OARD1: variants seen among roughly 807,000 people sequenced by gnomAD.
OARD1 encodes ADP-ribose glycohydrolase OARD1.
In OARD1, 19 loss-of-function variants were observed where a neutral mutation model predicts 19.7. The ratio of observed to expected loss-of-function variants is 0.96; its 90% CI spans 0.67 to 1.41. OARD1 has a LOEUF of 1.41. OARD1 is among the 40% of genes most tolerant of loss of function. The probability of loss-of-function intolerance (pLI) is 0.00; values close to 1 mark genes in which losing one functional copy is unlikely to be tolerated. For synonymous variants in OARD1, 70 were observed against 61.8 expected (o/e 1.13, Z -0.62); for missense variants, 190 against 183.8 (o/e 1.03, Z -0.20).
rs777911574 is a variant in OARD1, at chr6:41,071,200, C to G, written c.116G>C (p.Arg39Pro). ...SLAHCISEDC[R>P]MGAGIAVLFK... ...GAGGACAGCTATCCCAGCGCCCATG[C>G]GACAATCCTCACTGATACAGTGGGC... is the stretch of plus-strand genomic sequence containing the variant. Residue 39 changes from arginine to proline, a missense_variant, in exon 3 of 6, where the codon CGC becomes CCC. Arg to Pro is a moderately radical substitution (Grantham distance 103, BLOSUM62 -2). Transcript: ENST00000424266. The G allele has an allele frequency of 2.5e-6, 4 of 1,614,108 alleles. No individual in the cohort carries two copies. The South Asian group carries it at 3.3e-5, about 13-fold the overall frequency.
chr6:41,071,733 G>C (rs962385596), intron 1 of OARD1, 58 bp from the exon 2 acceptor site: 1 of 978,972 alleles, frequency 1.0e-6, no homozygotes, highest in Non-Finnish European at 1.6e-6. Context: ...ATAATATTCT[G>C]ATTGCCCTGT....
intron 5 of OARD1, 54 bp downstream of exon 5, chr6:41,068,787 T>G (rs914491781): frequency 1.0e-6 from 1 of 1,003,326 alleles, no homozygotes; most frequent in Non-Finnish European, 1.5e-6. Flanking sequence ...TTGGGTAAGA[T>G]AGTAAACCCC....
At chr6:41,096,879 C>G (rs1166253005) in intron 1 of OARD1, among the ~76,000 whole-genome samples, 1 of 152,210 alleles carries the variant, frequency 6.6e-6, no homozygotes, top group Non-Finnish European at 1.5e-5. Context: ...TCACTTTACC[C>G]ATCTGGCCTT....
At chr6:41,089,531 G>T in intron 1 of OARD1, 1 of 1,505,292 alleles carries the variant, frequency 6.6e-7, no homozygotes, top group South Asian at 1.3e-5. Context: ...GACCAAAGGA[G>T]ACCAGTGTCA....
rs1581994055 is a variant in OARD1, at chr6:41,066,217, C to T, written c.*1118G>A. 1 of 152,232 alleles carries T rather than the reference C, an allele frequency of 6.6e-6. No individual in the cohort carries two copies. Among genetic ancestry groups the T allele is most frequent in the Non-Finnish European group, 1.5e-5 (1 of 68,072 alleles). The allele number at this position is 152,232 out of a possible 1,614,324, so 9.4% of individuals were successfully genotyped here. On this transcript the variant is annotated 3_prime_UTR_variant, in exon 6 of 6. Coordinates refer to ENST00000424266, the MANE Select transcript of OARD1 (RefSeq NM_001329686.2). ...TCACAGCTCAATGCAACTTCAACCTCCCAGGCTCAAGCCATCCTCCCGCCT... is the reference window on the plus strand; with the variant it reads ...TCACAGCTCAATGCAACTTCAACCTTCCAGGCTCAAGCCATCCTCCCGCCT...
chr6:41,071,917 G>A (rs1582009951), intron 1 of OARD1: 1 of 458,288 alleles, frequency 2.2e-6, no homozygotes, highest in South Asian at 3.3e-5. Flanking sequence ...CTCCGTCAGC[G>A]GAAGCAAAGC....
At chr6:41,091,583 A>G (rs1764197590) in intron 1 of OARD1, 1 of 1,614,212 alleles carries the variant, frequency 6.2e-7, no homozygotes. Flanking sequence ...TGGCAGGAGC[A>G]CAGATTGTTC....
At chr6:41,092,889 G>A (rs368003989) in intron 1 of OARD1, 8 of 1,605,454 alleles carry the variant, frequency 5.0e-6, no homozygotes, top group Non-Finnish European at 6.0e-6. Flanking sequence ...CCACCAATAA[G>A]CTCTGGTTTC....
At chr6:41,080,914 T>G in intron 1 of OARD1, 4 of 1,605,028 alleles carry the variant, frequency 2.5e-6, no homozygotes, top group Non-Finnish European at 3.4e-6. Context: ...CCCTCTCTGA[T>G]TCTCTGTGAG....
At position 41,068,867 on chromosome 6, in the gene OARD1, A is replaced by G; in HGVS notation, c.330T>C (p.Asn110=). ...LEAMKSHCLK[N]GVTDLSMPRI... ...TGGGCATGGAGAGGTCAGTGACTCCATTCTTCAGACAATGAGACTTCATTG... is the reference window on the plus strand; with the variant it reads ...TGGGCATGGAGAGGTCAGTGACTCCGTTCTTCAGACAATGAGACTTCATTG... Residue 110 remains asparagine (N), a synonymous_variant, in exon 5 of 6, where the codon AAT becomes AAC. Coordinates refer to ENST00000424266, the MANE Select transcript of OARD1 (RefSeq NM_001329686.2). 2.5e-6 allele frequency: 4 copies of G among 1,603,928 alleles called. No homozygotes were observed. Among genetic ancestry groups the G allele is most frequent in the Non-Finnish European group, 3.4e-6 (4 of 1,172,910 alleles).
At chr6:41,094,017 T>G (rs888454704) in intron 1 of OARD1, among the ~76,000 whole-genome samples, 1 of 152,228 alleles carries the variant, frequency 6.6e-6, no homozygotes, top group Non-Finnish European at 1.5e-5. Context: ...AGTGAAACCC[T>G]GTTTCTAGAA....
chr6:41,089,876 T>C (rs1764154720), intron 1 of OARD1, among the ~76,000 whole-genome samples: 1 of 152,166 alleles, frequency 6.6e-6, no homozygotes, highest in Non-Finnish European at 1.5e-5. Context: ...TCCCAGCACT[T>C]TGAGAGGCCG....
At chr6:41,079,188 A>G (rs745520252) in intron 1 of OARD1, 1 of 1,607,778 alleles carries the variant, frequency 6.2e-7, no homozygotes, top group Non-Finnish European at 8.5e-7. Flanking sequence ...ACTGCTTTAA[A>G]CATTACAGCA....
intron 4 of OARD1, 67 bp downstream of exon 4, chr6:41,070,009 T>C (rs747818539): frequency 2.3e-5 from 21 of 902,832 alleles, no homozygotes; most frequent in Non-Finnish European, 3.4e-5. Flanking sequence ...GCAGCCCATC[T>C]GTTCACAAAT....
intron 1 of OARD1, chr6:41,091,416 GT>G: frequency 9.7e-7 from 1 of 1,033,636 alleles, no homozygotes; most frequent in South Asian, 1.7e-5. Flanking sequence ...TTTTCAGTGT[GT>G]TTTGCCAGGA....
intron 1 of OARD1, among the ~76,000 whole-genome samples, chr6:41,083,486 T>TAC (rs1056324048): frequency 3.9e-5 from 6 of 152,170 alleles, no homozygotes; most frequent in African/African-American, 1.4e-4. Context: ...GATAAAGGTA[T>TAC]ACATTTGACA....
intron 1 of OARD1, chr6:41,080,797 GT>G: frequency 6.2e-7 from 1 of 1,609,818 alleles, no homozygotes; most frequent in Non-Finnish European, 8.5e-7. Context: ...AGCTCTTCCT[GT>G]TCCTGTTCTC....
rs528141263 is a variant in OARD1 at position 41,071,076 on chromosome 6, C to T, written c.184+56G>A. ...ACACGCATATTTTATTAAAGTGTAA[C>T]AGATTAAAAGGTGCTCTAGCCAGGG... On this transcript the variant is annotated intron_variant, in intron 3 of 5. Coordinates refer to ENST00000424266, the MANE Select transcript of OARD1 (RefSeq NM_001329686.2). 1.1e-5 allele frequency: 17 copies of T among 1,548,356 alleles called. No homozygotes were observed. The South Asian group carries it at 1.7e-4, about 15-fold the overall frequency.
At chr6:41,077,389 C>G (rs1283371580), upstream of OARD1, among the ~76,000 whole-genome samples, 2 of 152,214 alleles carry the variant, frequency 1.3e-5, no homozygotes, top group South Asian at 2.1e-4. Context: ...CAACCTCCCT[C>G]TTTCCTGTCT....
Sources: allele counts gnomAD v4.1 joint callset (sites outside exome capture counted in the v4.1 genomes callset), GRCh38; gene constraint gnomAD v4.1.1; transcripts MANE v1.5; gene names NCBI Gene and HGNC (gene_info 2026-07-23, HGNC 2026-07-21).